PLCB1: variants seen among roughly 807,000 people sequenced by gnomAD.
PLCB1 encodes phospholipase C beta 1.
PLCB1 carries 46 observed loss-of-function variants against 161.8 expected under a neutral mutation model. The observed-to-expected ratio is 0.28, with a 90% CI of 0.22 to 0.36. The LOEUF is 0.36. PLCB1 is among the 10% of genes least tolerant of loss of function. The pLI is 1.00. For missense variants in PLCB1, 1,016 were observed against 1,472.5 expected, an observed-to-expected ratio of 0.69 and a Z score of 5.07; for synonymous variants, 517 against 503.7, an observed-to-expected ratio of 1.03 and a Z score of -0.35.
chr20:8,285,711 A>G (rs1983086734), intron 2 of PLCB1, among the ~76,000 whole-genome samples: 1 of 152,106 alleles, frequency 6.6e-6, no homozygotes, highest in South Asian at 2.1e-4. Context: ...GATGAGCCAT[A>G]GTTTACTTGG....
chr20:8,555,759 C>T (rs1985932120), intron 3 of PLCB1, among the ~76,000 whole-genome samples: 1 of 152,024 alleles, frequency 6.6e-6, no homozygotes, highest in Non-Finnish European at 1.5e-5. Context: ...TTTGTCAGGG[C>T]TTCATCAAAA....
intron 3 of PLCB1, among the ~76,000 whole-genome samples, chr20:8,400,172 A>T (rs1275877544): frequency 6.6e-6 from 1 of 152,160 alleles, no homozygotes; most frequent in African/African-American, 2.4e-5. Flanking sequence ...ACAATGTCAT[A>T]TTTCCTGATT....
At chr20:8,362,599 T>G (rs1986578468) in intron 2 of PLCB1, among the ~76,000 whole-genome samples, 1 of 152,052 alleles carries the variant, frequency 6.6e-6, no homozygotes, top group Non-Finnish European at 1.5e-5. Context: ...GTGTAGGAGT[T>G]TCTAAGGTTG....
chr20:8,791,860 A>G (rs950000164), intron 31 of PLCB1, among the ~76,000 whole-genome samples: 1 of 152,216 alleles, frequency 6.6e-6, no homozygotes, highest in African/African-American at 2.4e-5. Flanking sequence ...ATATAACTGG[A>G]CATGAAAAGA....
chr20:8,855,924 A>G (rs1987051176), intron 31 of PLCB1, among the ~76,000 whole-genome samples: 1 of 152,038 alleles, frequency 6.6e-6, no homozygotes, highest in East Asian at 1.9e-4. Flanking sequence ...TACTTTATTT[A>G]GGTAGCTCTA....
chr20:8,276,517 T>G (rs961011452), intron 2 of PLCB1, among the ~76,000 whole-genome samples: 3 of 152,234 alleles, frequency 2.0e-5, no homozygotes, highest in Admixed American at 2.0e-4. Context: ...TTCATTGTTA[T>G]GTCATACAAT....
chr20:8,658,597 A>G lies in PLCB1; in HGVS notation c.755A>G (p.Lys252Arg). ...VDQMMDFINL[K>R]QRDPRLNEIL... is the part of the protein sequence containing the mutation. ...CAGATGATGGATTTTATCAACCTTA[A>G]GCAGCGAGATCCTCGGCTTAATGAA... The change falls in exon 9 of 32, where the codon AAG becomes AGG. Residue 252 changes from lysine (K) to arginine (R), a missense_variant. Around this residue, in one of 10 missense-constraint regions of PLCB1, gnomAD observed 117 missense variants for 142.2 expected, o/e 0.82. Transcript: ENST00000338037. The G allele has an allele frequency of 6.2e-7, 1 of 1,613,230 alleles. No individual in the cohort carries two copies.
rs1482397085 is a variant in PLCB1, at chr20:8,821,686, T to C, written c.3423+31425T>C. On this transcript the variant is annotated intron_variant, in intron 31 of 31. Coordinates refer to ENST00000338037, the MANE Select transcript of PLCB1 (RefSeq NM_015192.4). ...ATTCAAATTTTTTATTATGTTAAAC[T>C]GATTAACAGTAATTACATATAAAAA... 2.6e-5 allele frequency among the ~76,000 whole-genome samples: 4 copies of C among 151,858 alleles called. No individual in the cohort carries two copies. In the East Asian group the frequency reaches 7.7e-4, roughly 29 times the overall value.
chr20:8,743,411 T>C (rs1165983808), intron 23 of PLCB1, among the ~76,000 whole-genome samples: 1 of 152,230 alleles, frequency 6.6e-6, no homozygotes, highest in Non-Finnish European at 1.5e-5. Flanking sequence ...TAAATCCCAC[T>C]TGGGAGAATC....
intron 31 of PLCB1, among the ~76,000 whole-genome samples, chr20:8,868,068 C>T (rs1987488677): frequency 6.6e-6 from 1 of 151,984 alleles, no homozygotes; most frequent in African/African-American, 2.4e-5. Context: ...TTCTTTTAAG[C>T]TATGATTTTT....
chr20:8,229,045 G>A lies in PLCB1; in HGVS notation c.177+78674G>A, dbSNP rs552853727. On this transcript the variant is annotated intron_variant, in intron 2 of 31. Coordinates refer to ENST00000338037, the MANE Select transcript of PLCB1 (RefSeq NM_015192.4). The stretch of plus-strand genomic sequence containing the variant: ...ACAAATCCCCCCATGCACCCTCCCC[G>A]CTACTCTTCTCACCCTCTAGTAGCC... 2.4e-3 allele frequency among the ~76,000 whole-genome samples: 363 copies of A among 151,894 alleles called. 2 individuals carry two copies. The highest frequency in any genetic ancestry group is 7.0e-3 in the African/African-American group (291 of 41,424).
At position 8,564,951 on chromosome 20, in the gene PLCB1, C is replaced by G. The variant is rs112550024; in HGVS notation, c.247-63343C>G. On this transcript the variant is annotated intron_variant, in intron 3 of 31. Transcript: ENST00000338037. ...TGGTAATTCCTCAAGGATCTAGAAC[C>G]AGAAATACCATTTGACCCAGCAATC... 3.9e-3 allele frequency among the ~76,000 whole-genome samples: 598 copies of G among 152,076 alleles called. 2 individuals carry two copies. The highest frequency in any genetic ancestry group is 0.013 in the African/African-American group (554 of 41,502).
chr20:8,628,391 C>T lies in PLCB1; in HGVS notation c.344C>T (p.Ser115Phe). 1.9e-6 allele frequency: 3 copies of T among 1,614,046 alleles called. No individual in the cohort carries two copies. The highest frequency in any genetic ancestry group is 2.2e-5 in the East Asian group (1 of 44,868). ...TATGGGCCTGACCTCGTGAACATCT[C>T]CCATTTGAATCTCGTGGCTTTCCAA... ...VVYGPDLVNI[S>F]HLNLVAFQEE... The change falls in exon 4 of 32, where the codon TCC (serine) becomes TTC (phenylalanine). Residue 115 changes from serine to phenylalanine, a missense_variant. By Grantham distance (155) the Ser-to-Phe change is radical. This residue lies in a region of PLCB1 where 181 missense variants were observed against 236.7 expected (regional missense o/e 0.76). Transcript: ENST00000338037.
chr20:8,232,254 G>T (rs1437026290), intron 2 of PLCB1, among the ~76,000 whole-genome samples: 2 of 151,504 alleles, frequency 1.3e-5, no homozygotes, highest in African/African-American at 4.9e-5. Flanking sequence ...AGAGAGAAAA[G>T]ATCATGCTTT....
intron 3 of PLCB1, among the ~76,000 whole-genome samples, chr20:8,491,331 G>A (rs1297696385): frequency 6.6e-6 from 1 of 151,930 alleles, no homozygotes; most frequent in Non-Finnish European, 1.5e-5. Context: ...CACTTAGGAA[G>A]GCATTCAGCT....
At chr20:8,452,150 A>T (rs914438890) in intron 3 of PLCB1, among the ~76,000 whole-genome samples, 3 of 152,258 alleles carry the variant, frequency 2.0e-5, no homozygotes, top group Non-Finnish European at 2.9e-5. Flanking sequence ...GCAAGGCATC[A>T]TTCCATTTTC....
chr20:8,767,446 T>TGTA (rs1982380408), intron 26 of PLCB1, among the ~76,000 whole-genome samples: 1 of 152,188 alleles, frequency 6.6e-6, no homozygotes, highest in African/African-American at 2.4e-5. Context: ...TATGAAAACC[T>TGTA]GTACTTTCTG....
intron 3 of PLCB1, among the ~76,000 whole-genome samples, chr20:8,446,293 A>G (rs1173977192): frequency 6.6e-6 from 1 of 152,182 alleles, no homozygotes; most frequent in Non-Finnish European, 1.5e-5. Context: ...TATAAACAGA[A>G]CCAAAGACAA....
chr20:8,528,348 T>C (rs1352779248), intron 3 of PLCB1, among the ~76,000 whole-genome samples: 1 of 152,090 alleles, frequency 6.6e-6, no homozygotes, highest in Non-Finnish European at 1.5e-5. Context: ...ATTCATACAG[T>C]GCAGTAAAAC....
Sources: allele counts gnomAD v4.1 joint callset (sites outside exome capture counted in the v4.1 genomes callset), GRCh38; gene constraint gnomAD v4.1.1; regional missense constraint gnomAD v4.1.1; transcripts MANE v1.5; gene names NCBI Gene and HGNC (gene_info 2026-07-23, HGNC 2026-07-21).